The following MAPK10 variants were observed in gnomAD, a reference collection of about 807,000 sequenced individuals.
The protein encoded by MAPK10 is JNK3 alpha protein kinase.
A neutral mutation model predicts 59.3 loss-of-function variants in MAPK10; 25 were observed. That is an observed-to-expected ratio of 0.42 (90% CI 0.31 to 0.59). The LOEUF is 0.59. MAPK10 is among the 20% of genes least tolerant of loss of function. MAPK10 has a pLI of 0.15. For missense variants in MAPK10, 351 were observed against 568.9 expected (o/e 0.62, Z 3.90); for synonymous variants, 190 against 200.5 (o/e 0.95, Z 0.44).
At chr4:86,428,557 T>G (rs185863223) in intron 1 of MAPK10, among the ~76,000 whole-genome samples, 1 of 152,076 alleles carries the variant, frequency 6.6e-6, no homozygotes, top group Admixed American at 6.6e-5. Context: ...AAAACTAAGA[T>G]GGATAGATAG....
At chr4:86,426,835 G>A (rs1747342956) in intron 1 of MAPK10, among the ~76,000 whole-genome samples, 2 of 151,976 alleles carry the variant, frequency 1.3e-5, no homozygotes, top group South Asian at 2.1e-4. Flanking sequence ...GAATAAAGTG[G>A]TTTAATGAAT....
chr4:86,543,885 C>CA (rs1758929290), intron 1 of MAPK10, among the ~76,000 whole-genome samples: 1 of 152,108 alleles, frequency 6.6e-6, no homozygotes, highest in Non-Finnish European at 1.5e-5. Context: ...ACTAAACAAA[C>CA]AAACAAAAAT....
chr4:86,265,321 C>T (rs1240513747), intron 2 of MAPK10, among the ~76,000 whole-genome samples: 1 of 151,914 alleles, frequency 6.6e-6, no homozygotes, highest in Non-Finnish European at 1.5e-5. Flanking sequence ...CCAGCCTGAT[C>T]AACATGGCAA....
intron 1 of MAPK10, among the ~76,000 whole-genome samples, chr4:86,505,276 G>A (rs1437666881): frequency 6.6e-6 from 1 of 151,876 alleles, no homozygotes; most frequent in African/African-American, 2.4e-5. Context: ...CATATAACCT[G>A]CCCATGTACC....
chr4:86,504,220 G>A (rs919383465), intron 1 of MAPK10, among the ~76,000 whole-genome samples: 3 of 152,044 alleles, frequency 2.0e-5, no homozygotes, highest in Non-Finnish European at 4.4e-5. Flanking sequence ...TTTTCCCAGA[G>A]CCTAAAAGAG....
In MAPK10 at chr4:86,262,461, T is replaced by C. The variant is rs549014553; in HGVS notation, c.-6-68054A>G. Among the ~76,000 whole-genome samples, 6 of 152,186 alleles carry C rather than the reference T, an allele frequency of 3.9e-5. No homozygotes were observed. The East Asian group carries it at 1.2e-3, about 29-fold the overall frequency. The stretch of plus-strand genomic sequence containing the variant: ...GACCCCCTGGCCCCCACCTTCAGAG[T>C]TTAGGGCAAAGTAATGGCAGATAAT... On this transcript the variant is annotated intron_variant, in intron 2 of 13. Transcript: ENST00000641462.
At chr4:86,546,310 G>C (rs1759152696) in intron 1 of MAPK10, among the ~76,000 whole-genome samples, 1 of 152,268 alleles carries the variant, frequency 6.6e-6, no homozygotes, top group South Asian at 2.1e-4. Flanking sequence ...CAATTTAGGA[G>C]GCTGAGACGG....
intron 1 of MAPK10, among the ~76,000 whole-genome samples, chr4:86,557,704 T>C (rs1274071393): frequency 6.6e-6 from 1 of 152,138 alleles, no homozygotes; most frequent in African/African-American, 2.4e-5. Flanking sequence ...TTTTTCCTAA[T>C]ATAGAGTGTA....
rs187578250 is a variant in MAPK10, at chr4:86,452,299, A to T, written c.-122+731T>A. On this transcript the variant is annotated intron_variant, in intron 1 of 13. Transcript: ENST00000361569. ...GACCCTTGGTAGGAGAGAGTGTGTA[A>T]TTAGATCTATTAAGTGGTTAGTGCC... 2.0e-5 allele frequency among the ~76,000 whole-genome samples: 3 copies of T among 152,346 alleles called. No individual in the cohort carries two copies. In the East Asian group the frequency reaches 5.8e-4, roughly 29 times the overall value.
At chr4:86,346,902 GCA>G (rs948447080) in intron 2 of MAPK10, among the ~76,000 whole-genome samples, 5 of 151,630 alleles carry the variant, frequency 3.3e-5, no homozygotes, top group African/African-American at 9.7e-5. Context: ...TCATGTGTGT[GCA>G]CACACACATA....
chr4:86,114,133 T>G (rs1011924232), intron 4 of MAPK10, among the ~76,000 whole-genome samples: 6 of 152,238 alleles, frequency 3.9e-5, no homozygotes, highest in African/African-American at 1.4e-4. Context: ...ATCATGGTTC[T>G]TAGCTTCTTT....
chr4:86,187,359 T>A (rs1333245999), intron 3 of MAPK10, among the ~76,000 whole-genome samples: 1 of 152,202 alleles, frequency 6.6e-6, no homozygotes, highest in East Asian at 1.9e-4. Flanking sequence ...GGTTGTTACG[T>A]AATTCACTGG....
chr4:86,144,209 G>A (rs2064297935), intron 4 of MAPK10, among the ~76,000 whole-genome samples: 3 of 152,076 alleles, frequency 2.0e-5, no homozygotes, highest in Admixed American at 2.0e-4. Flanking sequence ...TTGTGTTCCA[G>A]TTAAGTAGGG....
At chr4:86,116,496 G>A (rs942880861) in intron 4 of MAPK10, among the ~76,000 whole-genome samples, 8 of 152,240 alleles carry the variant, frequency 5.3e-5, no homozygotes, top group African/African-American at 1.7e-4. Context: ...AGATGGTAGT[G>A]AGGATTGTCA....
At chr4:86,556,980 T>C (rs1262164054) in intron 1 of MAPK10, among the ~76,000 whole-genome samples, 1 of 152,090 alleles carries the variant, frequency 6.6e-6, no homozygotes, top group African/African-American at 2.4e-5. Context: ...AGATTTGCCC[T>C]CTGGGACAGA....
rs75950313 is a variant in MAPK10 at position 86,424,489 on chromosome 4, C to T, written c.-122+28541G>A. ...TACGGACATGAGCCACCGTACCTGGCCAACTTCTTCAAGTCTTATGTCCCT... is the reference window on the plus strand; with the variant it reads ...TACGGACATGAGCCACCGTACCTGGTCAACTTCTTCAAGTCTTATGTCCCT... On this transcript the variant is annotated intron_variant, in intron 1 of 13. Transcript: ENST00000361569. 2.6e-3 allele frequency among the ~76,000 whole-genome samples: 395 copies of T among 152,222 alleles called. 4 individuals are homozygous for T. Among genetic ancestry groups the T allele is most frequent in the African/African-American group, 9.2e-3 (384 of 41,550 alleles).
At chr4:86,153,079 C>G (rs545170452) in intron 4 of MAPK10, among the ~76,000 whole-genome samples, 4 of 152,152 alleles carry the variant, frequency 2.6e-5, no homozygotes, top group African/African-American at 9.6e-5. Flanking sequence ...AGTATATGGA[C>G]TATAAACTGA....
At chr4:86,177,822 T>A (rs1053464185) in intron 3 of MAPK10, among the ~76,000 whole-genome samples, 1 of 152,048 alleles carries the variant, frequency 6.6e-6, no homozygotes, top group Non-Finnish European at 1.5e-5. Context: ...AATCAAGTGA[T>A]CAGTAATTTT....
intron 11 of MAPK10, among the ~76,000 whole-genome samples, chr4:86,036,865 C>T (rs1474637699): frequency 6.6e-6 from 1 of 152,148 alleles, no homozygotes; most frequent in African/African-American, 2.4e-5. Context: ...TATGTGGACA[C>T]TCTACATAGC....
Sources: allele counts gnomAD v4.1 joint callset (sites outside exome capture counted in the v4.1 genomes callset), GRCh38; gene constraint gnomAD v4.1.1; transcripts MANE v1.5; gene names NCBI Gene and HGNC (gene_info 2026-07-23, HGNC 2026-07-21).